Variants in RALYL observed in about 807,000 individuals in gnomAD.
RALYL encodes the protein RALY RNA binding protein like.
A neutral mutation model predicts 35.1 loss-of-function variants in RALYL; 29 were observed. The observed-to-expected ratio is 0.83, with a 90% CI of 0.61 to 1.13. The LOEUF is 1.13. RALYL is among the 50% of genes most tolerant of loss of function. The pLI is 0.00. For missense variants in RALYL, 359 were observed against 360.4 expected, an observed-to-expected ratio of 1.00 and a Z score of 0.03; for synonymous variants, 120 against 127.6, an observed-to-expected ratio of 0.94 and a Z score of 0.40.
intron 1 of RALYL, among the ~76,000 whole-genome samples, chr8:84,482,578 G>A (rs1253483785): frequency 6.6e-6 from 1 of 151,988 alleles, no homozygotes; most frequent in Non-Finnish European, 1.5e-5. Context: ...ACTCAAAATG[G>A]TCATGAAAAG....
At position 84,372,886 on chromosome 8, in the gene RALYL, G is replaced by GTTTTTTTTTTTTTTTTTTTTTTTT. The variant is rs76885544; in HGVS notation, c.-23-156407_-23-156384dup. Reference sequence around the variant, plus strand: ...TTTCTCCACAACCATGCCAGCATCTGTTTTTTTTTTTTTTTTTTTTTTTTT... The same window carrying GTTTTTTTTTTTTTTTTTTTTTTTT: ...TTTCTCCACAACCATGCCAGCATCTGTTTTTTTTTTTTTTTTTTTTTTTTTTTTTTTTTTTTTTTTTTTTTTTTT... On this transcript the variant is annotated intron_variant, in intron 1 of 8. Coordinates refer to ENST00000521268, the MANE Select transcript of RALYL (RefSeq NM_173848.7). Among the ~76,000 whole-genome samples, 14 of 39,076 alleles carry GTTTTTTTTTTTTTTTTTTTTTTTT rather than the reference G, an allele frequency of 3.6e-4. 1 individual carries two copies. The highest frequency in any genetic ancestry group is 7.7e-4 in the African/African-American group (7 of 9,126). 25.6% of individuals were successfully genotyped at this position (39,076 alleles called of 152,430 possible). A position where few individuals can be genotyped will look rare whatever the true frequency, so the allele number is the denominator to read the frequency against.
intron 2 of RALYL, among the ~76,000 whole-genome samples, chr8:84,711,528 A>T (rs1236855004): frequency 6.6e-6 from 1 of 152,140 alleles, no homozygotes; most frequent in Non-Finnish European, 1.5e-5. Flanking sequence ...TCTTTATTAC[A>T]AGAATTAAAA....
chr8:84,222,502 A>G (rs937561683), intron 1 of RALYL, among the ~76,000 whole-genome samples: 1 of 152,188 alleles, frequency 6.6e-6, no homozygotes, highest in African/African-American at 2.4e-5. Flanking sequence ...CTACCTGATC[A>G]CAGACTTCTA....
chr8:84,215,349 C>G (rs1163514186), intron 1 of RALYL, among the ~76,000 whole-genome samples: 4 of 151,998 alleles, frequency 2.6e-5, no homozygotes, highest in African/African-American at 9.7e-5. Context: ...AAATGGCCAT[C>G]AGCACTAAAA....
intron 2 of RALYL, among the ~76,000 whole-genome samples, chr8:84,621,170 T>C (rs1430016207): frequency 6.6e-6 from 1 of 152,132 alleles, no homozygotes; most frequent in Non-Finnish European, 1.5e-5. Context: ...TGGGCAATGG[T>C]GGGTGCCCCT....
intron 1 of RALYL, among the ~76,000 whole-genome samples, chr8:84,246,605 G>A (rs1256400965): frequency 6.6e-6 from 1 of 151,896 alleles, no homozygotes; most frequent in Non-Finnish European, 1.5e-5. Context: ...AATGTGGTTG[G>A]AAAAAAGCGC....
At chr8:84,765,060 T>C (rs1813585162) in intron 2 of RALYL, among the ~76,000 whole-genome samples, 1 of 152,152 alleles carries the variant, frequency 6.6e-6, no homozygotes. Context: ...GTAGCTCTTG[T>C]AAACCACAGG....
At chr8:84,517,131 A>C (rs1296883326) in intron 1 of RALYL, among the ~76,000 whole-genome samples, 3 of 152,166 alleles carry the variant, frequency 2.0e-5, no homozygotes, top group African/African-American at 7.2e-5. Flanking sequence ...GAGTGCATAA[A>C]ATATACACTC....
chr8:84,764,654 T>G (rs1360220645), intron 2 of RALYL, among the ~76,000 whole-genome samples: 1 of 152,206 alleles, frequency 6.6e-6, no homozygotes, highest in Admixed American at 6.5e-5. Flanking sequence ...ATCTCTACAT[T>G]AGCATTCTAA....
At chr8:84,457,571 T>C (rs116872599) in intron 1 of RALYL, among the ~76,000 whole-genome samples, 1 of 151,982 alleles carries the variant, frequency 6.6e-6, no homozygotes, top group Non-Finnish European at 1.5e-5. Flanking sequence ...TTTCTGATTG[T>C]TCTGTATGAC....
At chr8:84,424,895 C>T (rs1406654650) in intron 1 of RALYL, among the ~76,000 whole-genome samples, 2 of 151,708 alleles carry the variant, frequency 1.3e-5, no homozygotes, top group African/African-American at 4.9e-5. Flanking sequence ...CTTGAGGAGG[C>T]AGTCTGCAGG....
At chr8:84,600,567 T>A (rs545376007) in intron 2 of RALYL, among the ~76,000 whole-genome samples, 1 of 152,176 alleles carries the variant, frequency 6.6e-6, no homozygotes, top group African/African-American at 2.4e-5. Flanking sequence ...CCTAGGAGGA[T>A]CCCCATAGCT....
At chr8:84,371,898 A>G (rs1855806702) in intron 1 of RALYL, among the ~76,000 whole-genome samples, 1 of 152,100 alleles carries the variant, frequency 6.6e-6, no homozygotes, top group Non-Finnish European at 1.5e-5. Context: ...ACATGCAGTC[A>G]GTGAGAATTC....
Position 84,242,122 on chromosome 8 carries a change from A to G in RALYL, c.-24+57698A>G, listed in dbSNP as rs113413823. 4.0e-4 allele frequency among the ~76,000 whole-genome samples: 61 copies of G among 152,204 alleles called. 1 individual carries two copies. Among genetic ancestry groups the G allele is most frequent in the African/African-American group, 1.4e-3 (60 of 41,524 alleles). On this transcript the variant is annotated intron_variant, in intron 1 of 8. Transcript: ENST00000521268. ...ACAGTGTTTGGATTTCTGTTTTTGC[A>G]TTAGTTTGCTGAAGATAATGGCTTC... is the stretch of plus-strand genomic sequence containing the variant.
intron 2 of RALYL, among the ~76,000 whole-genome samples, chr8:84,701,848 C>G (rs1056948343): frequency 6.6e-6 from 1 of 152,144 alleles, no homozygotes; most frequent in Admixed American, 6.6e-5. Flanking sequence ...GAAACATGTC[C>G]CTTGTGGGGT....
chr8:84,554,331 T>C lies in RALYL; in HGVS notation c.256+24754T>C, dbSNP rs1443735746. 3.9e-5 allele frequency among the ~76,000 whole-genome samples: 6 copies of C among 152,336 alleles called. No individual in the cohort carries two copies. The East Asian group carries it at 7.7e-4, about 20-fold the overall frequency. Reference sequence around the variant, plus strand: ...TGTTTTGTTTTCCAACCAGAACATGTTCTCTTAAACATGAGAGTGCATCTT... The same window carrying C: ...TGTTTTGTTTTCCAACCAGAACATGCTCTCTTAAACATGAGAGTGCATCTT... On this transcript the variant is annotated intron_variant, in intron 2 of 8. Transcript: ENST00000521268.
intron 1 of RALYL, among the ~76,000 whole-genome samples, chr8:84,211,627 T>G (rs1819509341): frequency 6.6e-6 from 1 of 152,160 alleles, no homozygotes; most frequent in African/African-American, 2.4e-5. Context: ...GTTAATCCAC[T>G]AACTGCATGT....
intron 6 of RALYL, among the ~76,000 whole-genome samples, chr8:84,863,064 G>GAA (rs944624678): frequency 3.0e-4 from 46 of 152,168 alleles, no homozygotes; most frequent in African/African-American, 1.0e-3. Context: ...GAGTGATACA[G>GAA]AAAAAAATTT....
At chr8:84,858,306 G>T (rs1435008848) in intron 5 of RALYL, among the ~76,000 whole-genome samples, 1 of 152,076 alleles carries the variant, frequency 6.6e-6, no homozygotes, top group Non-Finnish European at 1.5e-5. Context: ...TTGACAGCAG[G>T]TGTTTTAGAG....
Sources: allele counts gnomAD v4.1 joint callset (sites outside exome capture counted in the v4.1 genomes callset), GRCh38; gene constraint gnomAD v4.1.1; transcripts MANE v1.5; gene names NCBI Gene and HGNC (gene_info 2026-07-23, HGNC 2026-07-21).